Variants in NEGR1 observed in about 807,000 individuals in gnomAD.
The protein encoded by NEGR1 is IgLON family member 4.
A neutral mutation model predicts 40.9 loss-of-function variants in NEGR1; 10 were observed. The observed-to-expected ratio is 0.24, with a 90% CI of 0.15 to 0.42. The LOEUF (loss-of-function observed/expected upper bound fraction) is 0.42, where lower values mean the gene tolerates loss of function less well. Ranked by LOEUF, NEGR1 falls within the 10% of genes least tolerant of loss-of-function variation. The probability of loss-of-function intolerance (pLI) is 1.00; values close to 1 mark genes in which losing one functional copy is unlikely to be tolerated. For missense variants in NEGR1, 352 were observed against 438.9 expected (o/e 0.80, Z 1.77); for synonymous variants, 185 against 166.8 (o/e 1.11, Z -0.84).
At chr1:72,221,413 T>G (rs576343870) in intron 1 of NEGR1, among the ~76,000 whole-genome samples, 3 of 152,256 alleles carry the variant, frequency 2.0e-5, no homozygotes, top group Admixed American at 2.0e-4. Flanking sequence ...AAATCTCGGA[T>G]GATTGTCAAT....
At chr1:71,427,243 T>C (rs1397070349) in intron 6 of NEGR1, among the ~76,000 whole-genome samples, 1 of 152,242 alleles carries the variant, frequency 6.6e-6, no homozygotes, top group East Asian at 1.9e-4. Context: ...TAATGTGCTC[T>C]GCCTGTGTGC....
intron 1 of NEGR1, among the ~76,000 whole-genome samples, chr1:71,971,852 A>G (rs1304060206): frequency 6.6e-6 from 1 of 152,188 alleles, no homozygotes; most frequent in East Asian, 1.9e-4. Context: ...TTTCAAATGT[A>G]TTTGCTAACG....
chr1:72,267,418 T>G (rs2100553383), intron 1 of NEGR1, among the ~76,000 whole-genome samples: 1 of 150,054 alleles, frequency 6.7e-6, no homozygotes, highest in East Asian at 1.9e-4. Flanking sequence ...ATTTTCATTT[T>G]AGGGATTTCC....
At chr1:71,927,007 C>T (rs545204169) in intron 2 of NEGR1, among the ~76,000 whole-genome samples, 76 of 151,850 alleles carry the variant, frequency 5.0e-4, no homozygotes, top group Non-Finnish European at 9.4e-4. Flanking sequence ...ATATTTAGAA[C>T]AAAAAAATGT....
At chr1:72,280,865 G>A (rs2100571643) in intron 1 of NEGR1, among the ~76,000 whole-genome samples, 1 of 152,218 alleles carries the variant, frequency 6.6e-6, no homozygotes, top group South Asian at 2.1e-4. Flanking sequence ...TGTTGTGCAA[G>A]CCAGACTTAC....
chr1:72,246,913 T>C (rs968522887), intron 1 of NEGR1, among the ~76,000 whole-genome samples: 3 of 152,250 alleles, frequency 2.0e-5, no homozygotes, highest in African/African-American at 4.8e-5. Flanking sequence ...TCTTACATTC[T>C]GCACACATAC....
chr1:71,785,488 TA>T (rs938707605), intron 2 of NEGR1, among the ~76,000 whole-genome samples: 8 of 152,220 alleles, frequency 5.3e-5, no homozygotes, highest in South Asian at 2.1e-4. Context: ...TTTAAGAACT[TA>T]AAAAAATTTC....
At chr1:71,667,068 A>G (rs1054523318) in intron 4 of NEGR1, among the ~76,000 whole-genome samples, 2 of 152,204 alleles carry the variant, frequency 1.3e-5, no homozygotes. Flanking sequence ...TCCATAACAC[A>G]AAAGAAATGT....
At chr1:71,457,864 G>A (rs2101339039) in intron 6 of NEGR1, among the ~76,000 whole-genome samples, 1 of 152,194 alleles carries the variant, frequency 6.6e-6, no homozygotes, top group East Asian at 1.9e-4. Flanking sequence ...ACCACGCCCA[G>A]CTAATTTTTT....
intron 1 of NEGR1, among the ~76,000 whole-genome samples, chr1:72,213,886 A>G (rs1236455198): frequency 6.6e-6 from 1 of 152,078 alleles, no homozygotes; most frequent in Non-Finnish European, 1.5e-5. Flanking sequence ...TCATCCTGAT[A>G]CCAAATCCTG....
At chr1:72,132,388 A>G (rs941493285) in intron 1 of NEGR1, among the ~76,000 whole-genome samples, 1 of 152,210 alleles carries the variant, frequency 6.6e-6, no homozygotes, top group Non-Finnish European at 1.5e-5. Flanking sequence ...GTTCAGGAGG[A>G]GCCTGAGCCT....
chr1:72,161,527 T>A (rs765945672), intron 1 of NEGR1, among the ~76,000 whole-genome samples: 1 of 152,090 alleles, frequency 6.6e-6, no homozygotes, highest in Non-Finnish European at 1.5e-5. Flanking sequence ...AATGTACGGG[T>A]AGGATTATTC....
intron 2 of NEGR1, among the ~76,000 whole-genome samples, chr1:71,862,162 A>G (rs1659968601): frequency 6.6e-6 from 1 of 152,114 alleles, no homozygotes; most frequent in African/African-American, 2.4e-5. Context: ...TCTTCCTATC[A>G]TTAAAAACAA....
At chr1:72,171,045 C>A (rs1208893850) in intron 1 of NEGR1, among the ~76,000 whole-genome samples, 1 of 152,036 alleles carries the variant, frequency 6.6e-6, no homozygotes, top group Non-Finnish European at 1.5e-5. Flanking sequence ...TGAATAAAAC[C>A]CCACATGGTA....
intron 6 of NEGR1, chr1:71,486,384 T>G (rs1404523758): frequency 2.0e-5 from 3 of 151,334 alleles, no homozygotes; most frequent in Admixed American, 6.6e-5. Context: ...TTTTCTTTTT[T>G]TTTTTCACCA....
At chr1:71,533,898 T>TGTA (rs1425282595) in intron 6 of NEGR1, among the ~76,000 whole-genome samples, 1 of 151,686 alleles carries the variant, frequency 6.6e-6, no homozygotes. Context: ...GAAACTCTAA[T>TGTA]GTAGTAGCCT....
intron 5 of NEGR1, among the ~76,000 whole-genome samples, 200 bp downstream of exon 5, chr1:71,610,826 T>C (rs1650226235): frequency 6.6e-6 from 1 of 152,136 alleles, no homozygotes; most frequent in Non-Finnish European, 1.5e-5. Flanking sequence ...TCTGAGATCA[T>C]ACAAACCAAA....
intron 2 of NEGR1, among the ~76,000 whole-genome samples, chr1:71,903,437 G>A (rs1661194242): frequency 6.6e-6 from 1 of 151,928 alleles, no homozygotes; most frequent in African/African-American, 2.4e-5. Flanking sequence ...GTTGACAAAA[G>A]AGTTGTATGT....
chr1:71,521,686 A>C (rs1171512379), intron 6 of NEGR1, among the ~76,000 whole-genome samples: 1 of 152,044 alleles, frequency 6.6e-6, no homozygotes, highest in Non-Finnish European at 1.5e-5. Flanking sequence ...CAGTTTCAAT[A>C]TGTTACCATT....
Sources: gnomAD v4.1 joint callset for allele counts (sites outside exome capture counted in the v4.1 genomes callset) on GRCh38, gnomAD v4.1.1 for gene constraint, MANE v1.5 for transcripts, NCBI Gene and HGNC (gene_info 2026-07-23, HGNC 2026-07-21) for gene names.